The following ZMYM2 variants were observed in gnomAD, a reference collection of about 807,000 sequenced individuals.
ZMYM2 encodes the protein zinc finger MYM-type containing 2, also known as zinc finger MYM-type protein 2.
ZMYM2 carries 56 observed loss-of-function variants against 162.8 expected under a neutral mutation model. The ratio of observed to expected loss-of-function variants is 0.34; its 90% CI spans 0.28 to 0.43. The LOEUF is 0.43. Among genes scored for constraint, ZMYM2 ranks in the 20% least tolerant of loss-of-function variants. ZMYM2 has a pLI of 1.00. For missense variants in ZMYM2, 1,275 were observed against 1,621.8 expected (o/e 0.79, Z 3.67); for synonymous variants, 510 against 541.6 (o/e 0.94, Z 0.81).
In ZMYM2 at chr13:20,083,665, CT is replaced by C; in HGVS notation, c.3831del (p.Thr1278LeufsTer27). ...LCGTDNEDKITTGKRKHEDDE... is the reference protein window; with the variant it reads ...LCGTDNEDKIXTGKRKHEDDE... ...ACTTTTATTTTTTAAGATAAAATTA[CT>C]ACTGGAAAAAGAAAACATGAAGATG... On this transcript the variant is annotated frameshift_variant, in exon 24 of 25. Coordinates refer to ENST00000610343, the MANE Select transcript of ZMYM2 (RefSeq NM_197968.4). LOFTEE classifies it high-confidence loss of function. 6.6e-7 allele frequency: 1 copy of C among 1,525,604 alleles called. No individual in the cohort carries two copies. The allele number at this position is 1,525,604 out of a possible 1,614,324, so 94.5% of individuals were successfully genotyped here.
chr13:19,925,999 C>T, the ZMYM2 span, among the ~76,000 whole-genome samples: 1 of 150,562 alleles, frequency 6.6e-6, no homozygotes, highest in African/African-American at 2.4e-5. Context: ...CTTGCTCTGT[C>T]GCCCAGGCTA....
intron 6 of ZMYM2, among the ~76,000 whole-genome samples, chr13:20,017,673 C>G (rs576851586): frequency 2.6e-5 from 4 of 152,138 alleles, no homozygotes; most frequent in African/African-American, 9.6e-5. Context: ...CTTTTCCCCC[C>G]ACCCAGTCTG....
chr13:19,969,139 C>G (rs932765956), intron 2 of ZMYM2, among the ~76,000 whole-genome samples: 7 of 152,190 alleles, frequency 4.6e-5, no homozygotes, highest in Non-Finnish European at 1.0e-4. Context: ...TATGATTTTT[C>G]CACCTGGTCA....
the ZMYM2 span, among the ~76,000 whole-genome samples, chr13:19,885,927 G>GTATATACACATATA: frequency 2.8e-4 from 27 of 97,528 alleles, 10 homozygotes; most frequent in Admixed American, 3.9e-4. Flanking sequence ...ACATATATAT[G>GTATATACACATATA]TGTATACACA....
chr13:20,036,211 T>C (rs1953682689), intron 11 of ZMYM2, among the ~76,000 whole-genome samples: 1 of 152,092 alleles, frequency 6.6e-6, no homozygotes, highest in Non-Finnish European at 1.5e-5. Context: ...AAAAAAGACA[T>C]ACTTCGTTAA....
At chr13:19,979,146 C>G (rs1566202600) in intron 2 of ZMYM2, among the ~76,000 whole-genome samples, 1 of 152,108 alleles carries the variant, frequency 6.6e-6, no homozygotes, top group Non-Finnish European at 1.5e-5. Flanking sequence ...AATGAGGATT[C>G]CTTGAACCAG....
At chr13:20,080,319 A>G (rs912053184) in intron 21 of ZMYM2, among the ~76,000 whole-genome samples, 8 of 152,200 alleles carry the variant, frequency 5.3e-5, no homozygotes, top group Non-Finnish European at 7.3e-5. Context: ...AGTTTGAATA[A>G]CATTGGATCA....
intron 2 of ZMYM2, among the ~76,000 whole-genome samples, chr13:19,978,499 G>A (rs545857543): frequency 9.9e-5 from 15 of 151,892 alleles, no homozygotes; most frequent in Admixed American, 6.6e-4. Flanking sequence ...TCACCACAAC[G>A]TCCGCCTCCT....
At chr13:19,972,276 A>G (rs909826169) in intron 2 of ZMYM2, among the ~76,000 whole-genome samples, 2 of 152,162 alleles carry the variant, frequency 1.3e-5, no homozygotes, top group Non-Finnish European at 2.9e-5. Context: ...TGTTCAACAG[A>G]TTTGTGGCTA....
At chr13:20,014,781 T>A (rs866111787) in intron 6 of ZMYM2, among the ~76,000 whole-genome samples, 1 of 150,020 alleles carries the variant, frequency 6.7e-6, no homozygotes, top group Admixed American at 6.7e-5. Context: ...TTTTTTTTTT[T>A]TGGGGACAAA....
At chr13:20,076,916 A>C (rs1181755617) in intron 21 of ZMYM2, among the ~76,000 whole-genome samples, 1 of 150,098 alleles carries the variant, frequency 6.7e-6, no homozygotes, top group East Asian at 1.9e-4. Context: ...GGCACACCGC[A>C]TCTCCGCCTC....
At chr13:20,022,671 T>C (rs1952223206) in intron 7 of ZMYM2, among the ~76,000 whole-genome samples, 1 of 152,238 alleles carries the variant, frequency 6.6e-6, no homozygotes, top group African/African-American at 2.4e-5. Flanking sequence ...CCGTTTTTTC[T>C]CTGCACAGAC....
At chr13:19,992,963 T>C in intron 2 of ZMYM2, 100 bp from the exon 3 acceptor site, 1 of 1,300,956 alleles carries the variant, frequency 7.7e-7, no homozygotes, top group Non-Finnish European at 1.0e-6. Context: ...TCATTTAGAA[T>C]AAAAATAAAA....
chr13:19,997,602 G>A (rs1950111247), intron 3 of ZMYM2, among the ~76,000 whole-genome samples: 1 of 152,030 alleles, frequency 6.6e-6, no homozygotes, highest in African/African-American at 2.4e-5. Context: ...AAAGCTCTTA[G>A]CAATTTATAC....
chr13:19,958,614 TCGG>T (rs1954738249), upstream of ZMYM2: 2 of 151,222 alleles, frequency 1.3e-5, no homozygotes, highest in Non-Finnish European at 2.9e-5. Context: ...AGGACGGCCG[TCGG>T]AGCCAATGGG....
intron 6 of ZMYM2, among the ~76,000 whole-genome samples, chr13:20,013,908 T>C (rs959240177): frequency 7.9e-5 from 12 of 152,184 alleles, no homozygotes; most frequent in African/African-American, 2.9e-4. Flanking sequence ...TGTCTTTATC[T>C]GTCTTTCAAA....
At chr13:20,067,729 T>TATTTA (rs1336914548) in intron 21 of ZMYM2, among the ~76,000 whole-genome samples, 2 of 152,346 alleles carry the variant, frequency 1.3e-5, no homozygotes, top group African/African-American at 4.8e-5. Flanking sequence ...ATAGTATAAC[T>TATTTA]ACTCATTAAT....
the ZMYM2 span, among the ~76,000 whole-genome samples, chr13:19,905,949 G>A: frequency 6.6e-6 from 1 of 151,912 alleles, no homozygotes; most frequent in African/African-American, 2.4e-5. Context: ...ACCAGCCTGG[G>A]CAACATGGCA....
At chr13:20,037,404 CAG>C (rs1187057422) in intron 12 of ZMYM2, among the ~76,000 whole-genome samples, 1 of 151,728 alleles carries the variant, frequency 6.6e-6, no homozygotes, top group Non-Finnish European at 1.5e-5. Flanking sequence ...TTAGTAGAGA[CAG>C]GGTTTCACCG....
Sources: allele counts gnomAD v4.1 joint callset (sites outside exome capture counted in the v4.1 genomes callset), GRCh38; gene constraint gnomAD v4.1.1; transcripts MANE v1.5; gene names NCBI Gene and HGNC (gene_info 2026-07-23, HGNC 2026-07-21).